SUGCT: variants seen among roughly 807,000 people sequenced by gnomAD.
SUGCT encodes the protein succinyl-CoA:glutarate-CoA transferase.
SUGCT carries 41 observed loss-of-function variants against 55.0 expected under a neutral mutation model. The ratio of observed to expected loss-of-function variants is 0.74; its 90% CI spans 0.58 to 0.97. The LOEUF (loss-of-function observed/expected upper bound fraction) is 0.97. Ranked by LOEUF, SUGCT falls within the 50% of genes least tolerant of loss-of-function variation. SUGCT has a pLI of 0.00. For missense variants in SUGCT, 568 were observed against 547.8 expected, an observed-to-expected ratio of 1.04 and a Z score of -0.37; for synonymous variants, 187 against 200.4, an observed-to-expected ratio of 0.93 and a Z score of 0.56.
chr7:40,447,956 T>A (rs1788938196), intron 9 of SUGCT, among the ~76,000 whole-genome samples: 1 of 152,140 alleles, frequency 6.6e-6, no homozygotes, highest in Non-Finnish European at 1.5e-5. Context: ...TTCACTGTGA[T>A]CATATGTGGA....
intron 13 of SUGCT, among the ~76,000 whole-genome samples, chr7:40,809,224 A>C (rs1791271261): frequency 6.6e-6 from 1 of 152,194 alleles, no homozygotes; most frequent in Non-Finnish European, 1.5e-5. Flanking sequence ...TGAAGTGCTT[A>C]ATACTACCTG....
At chr7:40,192,107 CAA>C (rs34662909) in intron 5 of SUGCT, among the ~76,000 whole-genome samples, 4 of 61,350 alleles carry the variant, frequency 6.5e-5, no homozygotes, top group Admixed American at 2.0e-4. Context: ...GATTCCATCT[CAA>C]AAAAAAAAAA....
chr7:40,945,336 T>G, the SUGCT span, among the ~76,000 whole-genome samples: 1 of 152,112 alleles, frequency 6.6e-6, no homozygotes, highest in Admixed American at 6.6e-5. Flanking sequence ...GCATCTGTTT[T>G]TGTCTGCAGG....
chr7:40,641,610 G>A lies in SUGCT; in HGVS notation c.1090-107824G>A, dbSNP rs150761701. ...TACAAGGCAGGTAAGCCTTCAGATC[G>A]AGGAAAACCAAACAAACCAATGTCA... On this transcript the variant is annotated intron_variant, in intron 12 of 13. Coordinates refer to ENST00000335693, the MANE Select transcript of SUGCT (RefSeq NM_001193313.2). 2.7e-3 allele frequency among the ~76,000 whole-genome samples: 404 copies of A among 152,182 alleles called. 15 individuals are homozygous for A. The South Asian group carries it at 0.071, about 27-fold the overall frequency.
chr7:40,390,291 C>T (rs1364922533), intron 9 of SUGCT, among the ~76,000 whole-genome samples: 1 of 152,168 alleles, frequency 6.6e-6, no homozygotes, highest in African/African-American at 2.4e-5. Flanking sequence ...CCAGGGCAAT[C>T]AGGCAAGAGA....
chr7:40,598,732 C>A (rs768496487), intron 12 of SUGCT, among the ~76,000 whole-genome samples: 5 of 152,110 alleles, frequency 3.3e-5, no homozygotes, highest in Non-Finnish European at 5.9e-5. Context: ...ACCAGGTGGT[C>A]AAGAAGGTGA....
At chr7:40,976,302 A>G in the SUGCT span, among the ~76,000 whole-genome samples, 1 of 152,200 alleles carries the variant, frequency 6.6e-6, no homozygotes, top group Non-Finnish European at 1.5e-5. Flanking sequence ...TGAGCATCCA[A>G]ATACATGGGA....
In SUGCT at chr7:40,459,184, A is replaced by G. The variant is rs755747209; in HGVS notation, c.972A>G (p.Lys324=). The change falls in exon 11 of 14, where the codon AAA becomes AAG. Residue 324 remains lysine, a synonymous_variant. Transcript: ENST00000335693. ...TACACAATAGAAAAGAGCTTATTAA[A>G]ATATTATCTGAACGGTAAGTTTGGA... is the stretch of plus-strand genomic sequence containing the variant. The part of the protein sequence containing the change: ...LRVHNRKELI[K]ILSERFEEEL... The G allele has an allele frequency of 2.5e-6, 4 of 1,599,136 alleles. No individual in the cohort carries two copies. The highest frequency in any genetic ancestry group is 3.4e-6 in the Non-Finnish European group (4 of 1,167,906).
At chr7:40,439,064 G>GTATATATA (rs1183426693) in intron 9 of SUGCT, among the ~76,000 whole-genome samples, 13 of 27,188 alleles carry the variant, frequency 4.8e-4, no homozygotes, top group East Asian at 2.1e-3. Context: ...TATATATGGT[G>GTATATATA]TATATATATA....
intron 7 of SUGCT, among the ~76,000 whole-genome samples, chr7:40,245,423 A>ATATATAT (rs1344678220): frequency 1.8e-5 from 1 of 54,594 alleles, no homozygotes; most frequent in African/African-American, 8.9e-5. Flanking sequence ...ATATATATAT[A>ATATATAT]TTTTTTTTTT....
At chr7:40,830,959 A>C (rs1413863171) in intron 13 of SUGCT, among the ~76,000 whole-genome samples, 1 of 152,228 alleles carries the variant, frequency 6.6e-6, no homozygotes, top group Non-Finnish European at 1.5e-5. Context: ...ATGCTGCTGA[A>C]GATTGTAATA....
intron 12 of SUGCT, among the ~76,000 whole-genome samples, chr7:40,632,304 G>A (rs537794760): frequency 6.6e-6 from 1 of 152,060 alleles, no homozygotes; most frequent in Admixed American, 6.6e-5. Flanking sequence ...AAGAATTACG[G>A]CCTTAGACAA....
chr7:40,513,631 C>T (rs937341569), intron 12 of SUGCT, among the ~76,000 whole-genome samples: 2 of 152,114 alleles, frequency 1.3e-5, no homozygotes, highest in African/African-American at 4.8e-5. Context: ...TTATACTCTA[C>T]CATCCTCTTA....
At chr7:40,599,241 AG>A (rs1798171368) in intron 12 of SUGCT, among the ~76,000 whole-genome samples, 1 of 152,228 alleles carries the variant, frequency 6.6e-6, no homozygotes, top group South Asian at 2.1e-4. Flanking sequence ...GGGTTGGGAG[AG>A]GGTTTCTCAG....
intron 8 of SUGCT, among the ~76,000 whole-genome samples, chr7:40,284,931 A>G (rs1793218458): frequency 6.6e-6 from 1 of 152,196 alleles, no homozygotes; most frequent in African/African-American, 2.4e-5. Flanking sequence ...AGCGAAATAT[A>G]AGTGAATTGG....
At chr7:40,800,413 C>T (rs1249747630) in intron 13 of SUGCT, among the ~76,000 whole-genome samples, 1 of 151,614 alleles carries the variant, frequency 6.6e-6, no homozygotes, top group African/African-American at 2.4e-5. Context: ...CTCAGCCTCT[C>T]GAGTAGCTGG....
chr7:40,654,323 C>T (rs1020609929), intron 12 of SUGCT, among the ~76,000 whole-genome samples: 5 of 152,174 alleles, frequency 3.3e-5, no homozygotes, highest in East Asian at 1.9e-4. Flanking sequence ...CATCCTATAA[C>T]GAGAAAGCTC....
intron 1 of SUGCT, among the ~76,000 whole-genome samples, chr7:40,140,194 G>A (rs984632157): frequency 1.3e-5 from 2 of 152,184 alleles, no homozygotes; most frequent in African/African-American, 2.4e-5. Context: ...GTGAGCCACC[G>A]TGTCTGGCCA....
At chr7:40,361,003 G>A (rs1443162120) in intron 9 of SUGCT, among the ~76,000 whole-genome samples, 1 of 152,118 alleles carries the variant, frequency 6.6e-6, no homozygotes, top group Admixed American at 6.5e-5. Context: ...AATTGATATT[G>A]CTTAATCAAT....
Sources: allele counts gnomAD v4.1 joint callset (sites outside exome capture counted in the v4.1 genomes callset), GRCh38; gene constraint gnomAD v4.1.1; transcripts MANE v1.5; gene names NCBI Gene and HGNC (gene_info 2026-07-23, HGNC 2026-07-21).